LRP2: variants seen among roughly 807,000 people sequenced by gnomAD.
LRP2 encodes low-density lipoprotein receptor-related protein 2.
A neutral mutation model predicts 531.0 loss-of-function variants in LRP2; 172 were observed. The ratio of observed to expected loss-of-function variants is 0.32; its 90% confidence interval spans 0.29 to 0.37. The LOEUF is 0.37. LRP2 is among the 10% of genes least tolerant of loss of function. The probability of loss-of-function intolerance (pLI) is 1.00; values close to 1 mark genes in which losing one functional copy is unlikely to be tolerated. For synonymous variants in LRP2, 1,992 were observed against 2,027.6 expected (o/e 0.98, Z 0.47); for missense variants, 5,167 against 5,868.3 (o/e 0.88, Z 3.90).
intron 66 of LRP2, 59 bp from the exon 67 acceptor site, chr2:169,153,023 AG>A: frequency 6.6e-7 from 1 of 1,522,884 alleles, no homozygotes; most frequent in Non-Finnish European, 9.1e-7. Flanking sequence ...AAGGAAGAAC[AG>A]GGGTCTAATC....
chr2:169,224,320 A>G (rs536045995), intron 33 of LRP2, among the ~76,000 whole-genome samples: 2 of 152,332 alleles, frequency 1.3e-5, no homozygotes, highest in South Asian at 4.1e-4. Context: ...TTGTGAATTA[A>G]TAATCCCTTC....
At chr2:169,346,522 C>CT (rs916492720) in intron 1 of LRP2, among the ~76,000 whole-genome samples, 1 of 152,036 alleles carries the variant, frequency 6.6e-6, no homozygotes, top group African/African-American at 2.4e-5. Flanking sequence ...TTTGCAAATT[C>CT]TTTTTTTATT....
At position 169,181,582 on chromosome 2, in the gene LRP2, G is replaced by A. The variant is rs1687432705; in HGVS notation, c.10035C>T (p.Tyr3345=). 1 of 1,614,140 alleles carries A rather than the reference G, an allele frequency of 6.2e-7. No individual in the cohort carries two copies. Among genetic ancestry groups the A allele is most frequent in the Non-Finnish European group, 8.5e-7 (1 of 1,180,028 alleles). The change falls in exon 52 of 79, where the codon TAC becomes TAT. Residue 3345 remains tyrosine, a synonymous_variant. Transcript: ENST00000649046. ...LYWADWGHRA[Y]IGRVGMDGTN... ...TTCCATCCATGCCTACTCTCCCAAT[G>A]TATGCGCGGTGACCCCAGTCTGCCC...
In LRP2 at chr2:169,150,880, A is replaced by C. The variant is rs766429771; in HGVS notation, c.12590+18T>G. The C allele has an allele frequency of 6.2e-7, 1 of 1,613,846 alleles. No homozygotes were observed. The highest frequency in any genetic ancestry group is 1.1e-5 in the South Asian group (1 of 91,084). The stretch of plus-strand genomic sequence containing the variant: ...AGGGAGAAATATCTAGATGTTGAAG[A>C]CTTCTCCAAGTACTTACCCTAGTTT... On this transcript the variant is annotated intron_variant, in intron 68 of 78. Coordinates refer to ENST00000649046, the MANE Select transcript of LRP2 (RefSeq NM_004525.3).
At chr2:169,242,522 A>C (rs183602712) in intron 24 of LRP2, among the ~76,000 whole-genome samples, 3 of 151,822 alleles carry the variant, frequency 2.0e-5, no homozygotes, top group Admixed American at 1.3e-4. Context: ...ACATAATAGC[A>C]CAAAGAATGA....
intron 61 of LRP2, among the ~76,000 whole-genome samples, chr2:169,166,571 G>A (rs1686792415): frequency 2.0e-5 from 3 of 152,178 alleles, no homozygotes. Flanking sequence ...CCTCCTGATG[G>A]CAGTTGTCAT....
chr2:169,284,258 T>C (rs11900411), intron 9 of LRP2, among the ~76,000 whole-genome samples: 375 of 10,844 alleles, frequency 0.035, 19 homozygotes, highest in East Asian at 0.053. Flanking sequence ...TTTTTTTTCT[T>C]TTTTTTTTTT....
chr2:169,322,127 A>G (rs1684923677), intron 1 of LRP2, among the ~76,000 whole-genome samples: 1 of 152,238 alleles, frequency 6.6e-6, no homozygotes, highest in South Asian at 2.1e-4. Flanking sequence ...ATGCTAAATT[A>G]CCCATTTCAA....
chr2:169,233,722 T>C (rs766955620), intron 29 of LRP2, 134 bp from the exon 30 acceptor site: 16 of 874,384 alleles, frequency 1.8e-5, no homozygotes, highest in Non-Finnish European at 2.8e-5. Context: ...AAGGAAGTCA[T>C]TGTGCAAAAG....
chr2:169,189,739 TACTCCAGAC>T (rs1465067586), intron 48 of LRP2, among the ~76,000 whole-genome samples: 2 of 152,202 alleles, frequency 1.3e-5, no homozygotes, highest in African/African-American at 4.8e-5. Flanking sequence ...TAGTAGAGGC[TACTCCAGAC>T]ACAGATTTTG....
intron 1 of LRP2, among the ~76,000 whole-genome samples, chr2:169,337,725 C>T (rs1287143866): frequency 6.6e-6 from 1 of 152,196 alleles, no homozygotes; most frequent in African/African-American, 2.4e-5. Flanking sequence ...ATCCATTCCA[C>T]CCAAAGTGGA....
chr2:169,191,111 A>G (rs1687814868), intron 48 of LRP2, among the ~76,000 whole-genome samples: 1 of 152,332 alleles, frequency 6.6e-6, no homozygotes, highest in South Asian at 2.1e-4. Flanking sequence ...AAATCAGAGT[A>G]TTTCAAATGA....
chr2:169,222,072 T>C (rs1305796959), intron 33 of LRP2, among the ~76,000 whole-genome samples: 1 of 152,178 alleles, frequency 6.6e-6, no homozygotes, highest in Non-Finnish European at 1.5e-5. Flanking sequence ...GAAGGAATAT[T>C]ATACAGGTAA....
intron 3 of LRP2, among the ~76,000 whole-genome samples, chr2:169,310,162 T>A (rs926213914): frequency 6.6e-6 from 1 of 152,222 alleles, no homozygotes; most frequent in Non-Finnish European, 1.5e-5. Flanking sequence ...AATCATGTCA[T>A]CTGCAAACGG....
At position 169,204,047 on chromosome 2, in the gene LRP2, T is replaced by C; in HGVS notation, c.7940A>G (p.Gln2647Arg). The change falls in exon 42 of 79, where the codon CAG becomes CGG. Residue 2647 changes from glutamine to arginine, a missense_variant. Transcript: ENST00000649046. Reference protein sequence around the residue: ...PRGINTVVKNQKQQCNNPCEQ... With the variant: ...PRGINTVVKNRKQQCNNPCEQ... ...ACAAGGATTGTTACACTGTTGTTTC[T>C]GGTTCTTCACAACAGTGTTGATTCC... 6.2e-7 allele frequency: 1 copy of C among 1,614,218 alleles called. No homozygotes were observed. Among genetic ancestry groups the C allele is most frequent in the Non-Finnish European group, 8.5e-7 (1 of 1,180,004 alleles).
chr2:169,332,883 A>T (rs1308464383), intron 1 of LRP2, among the ~76,000 whole-genome samples: 1 of 152,184 alleles, frequency 6.6e-6, no homozygotes, highest in African/African-American at 2.4e-5. Context: ...TATTCACACA[A>T]ACACTAAACT....
At chr2:169,195,479 T>A (rs1687974737) in intron 46 of LRP2, among the ~76,000 whole-genome samples, 1 of 152,204 alleles carries the variant, frequency 6.6e-6, no homozygotes, top group Non-Finnish European at 1.5e-5. Context: ...TTTTTGTACA[T>A]CGTATTATTT....
In LRP2 at chr2:169,191,846, G is replaced by A. The variant is rs754770006; in HGVS notation, c.9018C>T (p.Ile3006=). ...NEFTCGYGLC[I]PKIFRCDRHN... is the part of the protein sequence containing the mutation. ...CCTCAATTCACCTGAATATCTTTGGGATACACAGTCCGTAACCACAGGTGA... is the reference window on the plus strand; with the variant it reads ...CCTCAATTCACCTGAATATCTTTGGAATACACAGTCCGTAACCACAGGTGA... Residue 3006 remains isoleucine (I), a synonymous_variant, in exon 48 of 79, where the codon ATC becomes ATT. Transcript: ENST00000649046. The A allele has an allele frequency of 1.9e-6, 3 of 1,613,822 alleles. No homozygotes were observed. The highest frequency in any genetic ancestry group is 2.5e-6 in the Non-Finnish European group (3 of 1,179,918).
At chr2:169,357,982 G>T (rs2105586965) in intron 1 of LRP2, among the ~76,000 whole-genome samples, 1 of 152,262 alleles carries the variant, frequency 6.6e-6, no homozygotes, top group Admixed American at 6.5e-5. Context: ...TATGGTCTTT[G>T]GGAGTAGGGG....
Sources: gnomAD v4.1 joint callset for allele counts (sites outside exome capture counted in the v4.1 genomes callset) on GRCh38, gnomAD v4.1.1 for gene constraint, MANE v1.5 for transcripts, NCBI Gene and HGNC (gene_info 2026-07-23, HGNC 2026-07-21) for gene names.